ZNF804B: variants seen among roughly 807,000 people sequenced by gnomAD.
ZNF804B encodes the protein zinc finger protein 804B.
Under a neutral mutation model 101.4 loss-of-function variants are expected in ZNF804B, and 80 were observed. That is an observed-to-expected ratio of 0.79 (90% CI 0.66 to 0.95). The LOEUF is 0.95. Ranked by LOEUF, ZNF804B falls within the 40% of genes least tolerant of loss-of-function variation. The pLI is 0.00. For missense variants in ZNF804B, 1,673 were observed against 1,561.9 expected, an observed-to-expected ratio of 1.07 and a Z score of -1.20; for synonymous variants, 622 against 558.8, an observed-to-expected ratio of 1.11 and a Z score of -1.59.
chr7:89,114,774 A>G (rs1790282324), intron 1 of ZNF804B, among the ~76,000 whole-genome samples: 1 of 152,174 alleles, frequency 6.6e-6, no homozygotes, highest in South Asian at 2.1e-4. Flanking sequence ...CAGTGCTTAG[A>G]ATCATGGAGG....
At chr7:89,319,098 C>A (rs1264158797) in intron 2 of ZNF804B, among the ~76,000 whole-genome samples, 1 of 152,030 alleles carries the variant, frequency 6.6e-6, no homozygotes, top group African/African-American at 2.4e-5. Flanking sequence ...CCTGGGCAGG[C>A]CAGGTGTTCC....
chr7:89,261,886 TGAGG>T (rs1789717601), intron 2 of ZNF804B, among the ~76,000 whole-genome samples: 1 of 152,180 alleles, frequency 6.6e-6, no homozygotes, highest in Admixed American at 6.6e-5. Flanking sequence ...TTATTTTCCA[TGAGG>T]TGTGTTATTA....
chr7:89,274,717 T>C (rs531115900), intron 2 of ZNF804B, among the ~76,000 whole-genome samples: 3 of 151,968 alleles, frequency 2.0e-5, no homozygotes, highest in African/African-American at 7.3e-5. Context: ...AGTTTGTGTA[T>C]CCATCTAGAG....
At chr7:89,277,494 C>G (rs1156456821) in intron 2 of ZNF804B, among the ~76,000 whole-genome samples, 1 of 63,680 alleles carries the variant, frequency 1.6e-5, no homozygotes, top group African/African-American at 6.2e-5. Flanking sequence ...CCTCCCCCCT[C>G]CCCCCTACCC....
intron 1 of ZNF804B, among the ~76,000 whole-genome samples, chr7:88,830,981 T>A (rs1000418491): frequency 6.6e-6 from 1 of 152,118 alleles, no homozygotes; most frequent in Non-Finnish European, 1.5e-5. Flanking sequence ...TTATTTGTGA[T>A]ATATGTTGCA....
At chr7:89,141,430 G>T (rs1790714241) in intron 1 of ZNF804B, among the ~76,000 whole-genome samples, 1 of 151,978 alleles carries the variant, frequency 6.6e-6, no homozygotes, top group Admixed American at 6.6e-5. Context: ...TCATATATGT[G>T]TGTGTATTCC....
At chr7:88,799,598 A>G (rs1245978815) in intron 1 of ZNF804B, among the ~76,000 whole-genome samples, 1 of 152,026 alleles carries the variant, frequency 6.6e-6, no homozygotes, top group Non-Finnish European at 1.5e-5. Context: ...TTTCAGCAAC[A>G]TTTATCTACT....
intron 1 of ZNF804B, among the ~76,000 whole-genome samples, chr7:88,926,940 GA>G (rs779962848): frequency 0.24 from 32,828 of 137,712 alleles, 4,194 homozygotes; most frequent in East Asian, 0.54. Context: ...GGGTGGTGGG[GA>G]GCGGGGGGAA....
At chr7:89,219,896 T>C (rs199723140) in intron 2 of ZNF804B, among the ~76,000 whole-genome samples, 2 of 21,888 alleles carry the variant, frequency 9.1e-5, no homozygotes, top group South Asian at 2.0e-3. Context: ...TATATATGTA[T>C]ATATGTGTGT....
chr7:88,919,558 G>A (rs185825369), intron 1 of ZNF804B, among the ~76,000 whole-genome samples: 1 of 152,190 alleles, frequency 6.6e-6, no homozygotes, highest in East Asian at 1.9e-4. Flanking sequence ...TACATGTCAG[G>A]AGAATGAGAT....
chr7:89,102,126 T>C (rs1790064446), intron 1 of ZNF804B, among the ~76,000 whole-genome samples: 1 of 152,014 alleles, frequency 6.6e-6, no homozygotes, highest in Admixed American at 6.6e-5. Context: ...TAAATGGTGC[T>C]GTGATAAACA....
chr7:88,971,497 G>C (rs1793537197), intron 1 of ZNF804B, among the ~76,000 whole-genome samples: 2 of 151,558 alleles, frequency 1.3e-5, no homozygotes, highest in African/African-American at 4.8e-5. Context: ...AAGGAGTACT[G>C]TGGAAGTCAT....
chr7:89,132,710 T>G (rs1562892914), intron 1 of ZNF804B, among the ~76,000 whole-genome samples: 2 of 152,052 alleles, frequency 1.3e-5, no homozygotes, highest in Non-Finnish European at 2.9e-5. Context: ...CCAACAATAT[T>G]GTTATTATTG....
At chr7:88,885,294 T>G (rs1792109336) in intron 1 of ZNF804B, among the ~76,000 whole-genome samples, 1 of 151,872 alleles carries the variant, frequency 6.6e-6, no homozygotes, top group African/African-American at 2.4e-5. Flanking sequence ...TGTTCATGGT[T>G]TAGAGTCCAA....
intron 1 of ZNF804B, among the ~76,000 whole-genome samples, chr7:88,848,016 G>T (rs988112284): frequency 6.6e-6 from 1 of 152,152 alleles, no homozygotes; most frequent in African/African-American, 2.4e-5. Context: ...TAGAGCAATG[G>T]TTTCCAATCA....
chr7:89,184,507 G>T (rs1788344340), intron 1 of ZNF804B, among the ~76,000 whole-genome samples: 2 of 152,074 alleles, frequency 1.3e-5, no homozygotes, highest in African/African-American at 4.8e-5. Context: ...TCTTTCTCTT[G>T]TTAAGTTCTT....
chr7:89,156,315 A>G (rs921222096), intron 1 of ZNF804B, among the ~76,000 whole-genome samples: 1 of 151,924 alleles, frequency 6.6e-6, no homozygotes, highest in Admixed American at 6.6e-5. Flanking sequence ...GGGTTTCTCC[A>G]TGTTGGTCTG....
intron 1 of ZNF804B, among the ~76,000 whole-genome samples, chr7:89,018,976 A>C (rs1438423402): frequency 6.6e-6 from 1 of 151,768 alleles, no homozygotes; most frequent in Non-Finnish European, 1.5e-5. Flanking sequence ...TGTTAGTCTC[A>C]GTTTTGTTTA....
chr7:88,913,733 A>T (rs1007534108), intron 1 of ZNF804B, among the ~76,000 whole-genome samples: 1 of 152,192 alleles, frequency 6.6e-6, no homozygotes, highest in African/African-American at 2.4e-5. Flanking sequence ...ATGTACTCTT[A>T]AACAGTGTGT....
Sources: gnomAD v4.1 joint callset for allele counts (sites outside exome capture counted in the v4.1 genomes callset) on GRCh38, gnomAD v4.1.1 for gene constraint, MANE v1.5 for transcripts, NCBI Gene and HGNC (gene_info 2026-07-23, HGNC 2026-07-21) for gene names.